Variants in CNTN3 observed in about 807,000 individuals in gnomAD.
CNTN3 encodes contactin 3.
In CNTN3, 60 loss-of-function variants were observed where a neutral mutation model predicts 119.1. The ratio of observed to expected loss-of-function variants is 0.50; its 90% confidence interval spans 0.41 to 0.62. The LOEUF is 0.62. Ranked by LOEUF, CNTN3 falls within the 20% of genes least tolerant of loss-of-function variation. The pLI is 0.00. For synonymous variants in CNTN3, 450 were observed against 438.7 expected, an observed-to-expected ratio of 1.03 and a Z score of -0.32; for missense variants, 1,101 against 1,242.4, an observed-to-expected ratio of 0.89 and a Z score of 1.71.
intron 5 of CNTN3, among the ~76,000 whole-genome samples, chr3:74,386,847 G>C (rs1014758309): frequency 2.0e-5 from 3 of 152,160 alleles, no homozygotes; most frequent in South Asian, 2.1e-4. Context: ...TTGTCATTTT[G>C]GTCTTGCTTG....
At chr3:74,499,218 A>G (rs746338703) in intron 3 of CNTN3, among the ~76,000 whole-genome samples, 1 of 151,904 alleles carries the variant, frequency 6.6e-6, no homozygotes, top group African/African-American at 2.4e-5. Flanking sequence ...GACTTTGGTA[A>G]GAATACATTT....
intron 1 of CNTN3, among the ~76,000 whole-genome samples, chr3:74,537,493 G>A (rs549697983): frequency 3.3e-5 from 5 of 152,230 alleles, no homozygotes; most frequent in Admixed American, 2.0e-4. Context: ...CCACTAGCTA[G>A]GACACAAGGA....
rs1382194154 is a variant in CNTN3, at chr3:74,593,811, G to A, written c.-81+20580C>T. 2.0e-5 allele frequency among the ~76,000 whole-genome samples: 3 copies of A among 152,074 alleles called. No individual in the cohort carries two copies. The East Asian group carries it at 5.8e-4, about 30-fold the overall frequency. On this transcript the variant is annotated intron_variant, in intron 1 of 22. Coordinates refer to ENST00000263665, the MANE Select transcript of CNTN3 (RefSeq NM_020872.3). Reference sequence around the variant, plus strand: ...TCTGCTAAGAGGAAGCCCACTGTGTGAGAAATGCCTCACGGACTTGGAAAT... The same window carrying A: ...TCTGCTAAGAGGAAGCCCACTGTGTAAGAAATGCCTCACGGACTTGGAAAT...
intron 13 of CNTN3, among the ~76,000 whole-genome samples, chr3:74,330,859 AAAACAG>A (rs1438412524): frequency 2.0e-5 from 3 of 152,170 alleles, no homozygotes; most frequent in Non-Finnish European, 4.4e-5. Context: ...AAAAAAATTA[AAAACAG>A]AAAAAAAGCT....
At chr3:74,427,661 C>A (rs1392832496) in intron 4 of CNTN3, among the ~76,000 whole-genome samples, 1 of 151,976 alleles carries the variant, frequency 6.6e-6, no homozygotes, top group African/African-American at 2.4e-5. Flanking sequence ...GGTGAAAGAC[C>A]GAGTGCTTTC....
At chr3:74,315,089 T>C (rs573319946) in intron 13 of CNTN3, among the ~76,000 whole-genome samples, 1 of 152,318 alleles carries the variant, frequency 6.6e-6, no homozygotes, top group South Asian at 2.1e-4. Flanking sequence ...CTGCTTGTTA[T>C]ACCCTAATTA....
chr3:74,612,239 T>C (rs552816798), intron 1 of CNTN3, among the ~76,000 whole-genome samples: 9 of 152,282 alleles, frequency 5.9e-5, no homozygotes, highest in African/African-American at 2.2e-4. Flanking sequence ...GAAAAGAGGC[T>C]ATTAGTTTGT....
At chr3:74,314,644 C>T (rs1702784990) in intron 13 of CNTN3, among the ~76,000 whole-genome samples, 1 of 152,108 alleles carries the variant, frequency 6.6e-6, no homozygotes, top group Non-Finnish European at 1.5e-5. Flanking sequence ...CATCAAAATA[C>T]ATAAGGCAAA....
chr3:74,490,997 T>C (rs2107056950), intron 3 of CNTN3, among the ~76,000 whole-genome samples: 1 of 152,338 alleles, frequency 6.6e-6, no homozygotes, highest in Non-Finnish European at 1.5e-5. Context: ...TAAACACTGA[T>C]TGTTTTTCCT....
chr3:74,368,916 G>T (rs1468125027), intron 8 of CNTN3, among the ~76,000 whole-genome samples: 2 of 151,688 alleles, frequency 1.3e-5, no homozygotes, highest in Non-Finnish European at 2.9e-5. Context: ...GTGTGTGAGA[G>T]GTTATTCTTA....
intron 1 of CNTN3, among the ~76,000 whole-genome samples, chr3:74,591,208 T>G (rs1025887876): frequency 1.3e-5 from 2 of 151,938 alleles, no homozygotes; most frequent in South Asian, 2.1e-4. Flanking sequence ...TGAGTAAGTT[T>G]GTTACATATT....
intron 4 of CNTN3, among the ~76,000 whole-genome samples, chr3:74,450,620 T>C (rs962473364): frequency 1.1e-4 from 16 of 150,368 alleles, no homozygotes; most frequent in Non-Finnish European, 2.1e-4. Flanking sequence ...CACTAACTCG[T>C]CATCTAGCAT....
chr3:74,370,644 T>C (rs1704312134), intron 6 of CNTN3, among the ~76,000 whole-genome samples: 2 of 152,142 alleles, frequency 1.3e-5, no homozygotes, highest in African/African-American at 4.8e-5. Context: ...CATTATGCTG[T>C]ATCAGATATG....
intron 1 of CNTN3, among the ~76,000 whole-genome samples, chr3:74,557,370 CTG>C (rs1704086466): frequency 6.6e-6 from 1 of 152,086 alleles, no homozygotes; most frequent in Admixed American, 6.6e-5. Flanking sequence ...TTTCCCATCA[CTG>C]TGATGGCATT....
chr3:74,414,138 C>A (rs1269585597), intron 5 of CNTN3, among the ~76,000 whole-genome samples: 1 of 152,168 alleles, frequency 6.6e-6, no homozygotes, highest in Non-Finnish European at 1.5e-5. Flanking sequence ...CAGGAAATTT[C>A]AGTTACACAA....
At chr3:74,455,438 T>A (rs1179165849) in intron 4 of CNTN3, among the ~76,000 whole-genome samples, 2 of 152,068 alleles carry the variant, frequency 1.3e-5, no homozygotes, top group Non-Finnish European at 2.9e-5. Context: ...CTTCTTTGCC[T>A]TTGGTTTGAA....
chr3:74,353,342 T>C (rs1703858256), intron 11 of CNTN3, among the ~76,000 whole-genome samples: 1 of 152,216 alleles, frequency 6.6e-6, no homozygotes, highest in African/African-American at 2.4e-5. Context: ...ATCATCACAT[T>C]ACTCAGTGCT....
At chr3:74,320,170 ATATACCCAAAGGAG>A (rs1702951099) in intron 13 of CNTN3, among the ~76,000 whole-genome samples, 5 of 152,334 alleles carry the variant, frequency 3.3e-5, no homozygotes. Flanking sequence ...ATTACTGGGT[ATATACCCAAAGGAG>A]TATAAATCAT....
At chr3:74,385,515 G>C (rs1030502139) in intron 5 of CNTN3, among the ~76,000 whole-genome samples, 1 of 152,208 alleles carries the variant, frequency 6.6e-6, no homozygotes, top group Admixed American at 6.5e-5. Flanking sequence ...TTTGGAAAGA[G>C]GACAGACCTC....
Sources: gnomAD v4.1 joint callset for allele counts (sites outside exome capture counted in the v4.1 genomes callset) on GRCh38, gnomAD v4.1.1 for gene constraint, MANE v1.5 for transcripts, NCBI Gene and HGNC (gene_info 2026-07-23, HGNC 2026-07-21) for gene names.